Variants in KHDC1 observed in about 807,000 individuals in gnomAD.
The protein encoded by KHDC1 is KH domain containing 1.
Under a neutral mutation model 24.7 loss-of-function variants are expected in KHDC1, and 21 were observed. The ratio of observed to expected loss-of-function variants is 0.85; its 90% CI spans 0.60 to 1.23. The LOEUF (loss-of-function observed/expected upper bound fraction) is 1.23. Among genes scored for constraint, KHDC1 ranks in the 50% most tolerant of loss-of-function variants. KHDC1 has a pLI of 0.00. For synonymous variants in KHDC1, 98 were observed against 111.7 expected (o/e 0.88, Z 0.77); for missense variants, 274 against 298.5 (o/e 0.92, Z 0.61).
At chr6:73,306,889 G>T (rs1767976155) in intron 1 of KHDC1, among the ~76,000 whole-genome samples, 1 of 151,986 alleles carries the variant, frequency 6.6e-6, no homozygotes, top group African/African-American at 2.4e-5. Context: ...CACGCCTGTA[G>T]TCCCAGCTAC....
At chr6:73,276,772 C>T (rs529189664) in intron 2 of KHDC1, among the ~76,000 whole-genome samples, 5 of 152,302 alleles carry the variant, frequency 3.3e-5, no homozygotes, top group Admixed American at 6.5e-5. Flanking sequence ...TTTTTTGCAC[C>T]TGTAGCTAAA....
At chr6:73,253,354 C>A (rs1766817011) in intron 2 of KHDC1, among the ~76,000 whole-genome samples, 1 of 150,686 alleles carries the variant, frequency 6.6e-6, no homozygotes, top group African/African-American at 2.4e-5. Flanking sequence ...AGGAGATCAA[C>A]CATCCCGGCT....
chr6:73,241,759 C>T, intron 4 of KHDC1, 31 bp from the exon 4 acceptor site: 1 of 1,612,200 alleles, frequency 6.2e-7, no homozygotes, highest in Non-Finnish European at 8.5e-7. Context: ...GCTAATGAAC[C>T]AGGGCCCATA....
intron 2 of KHDC1, among the ~76,000 whole-genome samples, chr6:73,242,947 G>A (rs1766601612): frequency 6.6e-6 from 1 of 152,104 alleles, no homozygotes; most frequent in African/African-American, 2.4e-5. Flanking sequence ...CAACAAGACG[G>A]GGTTTGTTTG....
intron 2 of KHDC1, among the ~76,000 whole-genome samples, chr6:73,277,863 C>CAA (rs35501040): frequency 0.19 from 24,542 of 131,454 alleles, 2,149 homozygotes; most frequent in East Asian, 0.22. Context: ...GATCGTGTCT[C>CAA]AAAAAAAAAA....
intron 1 of KHDC1, among the ~76,000 whole-genome samples, chr6:73,306,986 G>A (rs903505973): frequency 2.0e-5 from 3 of 150,356 alleles, no homozygotes; most frequent in Non-Finnish European, 4.4e-5. Context: ...TCCAGCCTGG[G>A]TGACAGACCA....
intron 1 of KHDC1, among the ~76,000 whole-genome samples, chr6:73,307,181 A>T (rs1340028977): frequency 6.6e-6 from 1 of 152,144 alleles, no homozygotes; most frequent in Non-Finnish European, 1.5e-5. Context: ...CTGTAATCCC[A>T]GCACCCAGGA....
At chr6:73,252,860 G>A (rs1192088716) in intron 2 of KHDC1, among the ~76,000 whole-genome samples, 1 of 151,648 alleles carries the variant, frequency 6.6e-6, no homozygotes, top group Non-Finnish European at 1.5e-5. Context: ...CAGTGCAAAA[G>A]GGGTCAGAGG....
intron 2 of KHDC1, among the ~76,000 whole-genome samples, chr6:73,252,292 C>T (rs1056356301): frequency 4.6e-5 from 7 of 152,028 alleles, no homozygotes; most frequent in South Asian, 4.2e-4. Flanking sequence ...AATCTGCCCT[C>T]GTCGACCTCC....
intron 1 of KHDC1, among the ~76,000 whole-genome samples, chr6:73,296,191 A>C (rs1203156478): frequency 6.6e-6 from 1 of 151,624 alleles, no homozygotes; most frequent in Non-Finnish European, 1.5e-5. Context: ...GCGGTGGCTC[A>C]TGTCTATAAT....
intron 2 of KHDC1, among the ~76,000 whole-genome samples, chr6:73,243,876 G>A (rs1024741356): frequency 1.3e-5 from 2 of 152,168 alleles, no homozygotes; most frequent in African/African-American, 4.8e-5. Context: ...ATTTAAGCTA[G>A]GTTGCTGGAC....
chr6:73,253,969 A>C (rs1256653341), intron 2 of KHDC1, among the ~76,000 whole-genome samples: 1 of 152,118 alleles, frequency 6.6e-6, no homozygotes, highest in African/African-American at 2.4e-5. Context: ...AAATATATGT[A>C]AAATAATAAA....
In KHDC1 at chr6:73,308,719, TTCTGGGCTCAAGCGA is replaced by T. The variant is rs1272070050; in HGVS notation, c.163+818_163+832del. 5.9e-5 allele frequency among the ~76,000 whole-genome samples: 9 copies of T among 152,244 alleles called. No homozygotes were observed. In the East Asian group the frequency reaches 1.7e-3, roughly 29 times the overall value. On this transcript the variant is annotated intron_variant, in intron 1 of 4. Coordinates refer to ENST00000370384, the Ensembl canonical transcript of KHDC1. The stretch of plus-strand genomic sequence containing the variant: ...TTCACCATATTGCCCAGGCTGTGAC[TTCTGGGCTCAAGCGA>T]TCCTCCCACCTCGGCCTCCCAAAGT...
chr6:73,274,732 C>T (rs1767248250), intron 2 of KHDC1: 1 of 152,200 alleles, frequency 6.6e-6, no homozygotes, highest in African/African-American at 2.4e-5. Flanking sequence ...TTGTAAGGTA[C>T]CCAGTCTCGT....
rs930875514 is a variant in KHDC1, at chr6:73,254,568, C to T, written c.207-12038G>A. On this transcript the variant is annotated intron_variant, in intron 2 of 4. Transcript: ENST00000370384. ...AAAGTGTTTCTGCTCTAAAATGCAA[C>T]CATCCACAAGATATATTGAGTTAAA... is the stretch of plus-strand genomic sequence containing the variant. 2.0e-5 allele frequency among the ~76,000 whole-genome samples: 3 copies of T among 151,860 alleles called. No homozygotes were observed. The East Asian group carries it at 5.8e-4, about 29-fold the overall frequency.
exon 5 of KHDC1, chr6:73,241,606 A>G (rs1462664535): frequency 6.2e-7 from 1 of 1,614,208 alleles, no homozygotes; most frequent in Non-Finnish European, 8.5e-7. Context: ...ACGCTAAGAC[A>G]CACGGTTCCA....
intron 2 of KHDC1, among the ~76,000 whole-genome samples, chr6:73,277,047 A>G (rs1767311725): frequency 6.6e-6 from 1 of 152,202 alleles, no homozygotes; most frequent in African/African-American, 2.4e-5. Flanking sequence ...ACTTTTGTAA[A>G]TAAGGAAGAA....
intron 2 of KHDC1, among the ~76,000 whole-genome samples, chr6:73,258,606 T>C (rs999414467): frequency 1.3e-5 from 2 of 152,160 alleles, no homozygotes; most frequent in African/African-American, 4.8e-5. Flanking sequence ...AAGGATGCAT[T>C]TGACCATTCC....
Position 73,262,943 on chromosome 6 carries a change from G to T in KHDC1, c.207-20413C>A. On this transcript the variant is annotated intron_variant, in intron 2 of 4. Transcript: ENST00000370384. ...CCTTCACCGGACTAACCGAGTTCGA[G>T]ACCACAGGGGGGTCAGGTAGCCAAG... is the stretch of plus-strand genomic sequence containing the variant. 4 of 989,426 alleles carry T rather than the reference G, an allele frequency of 4.0e-6. No homozygotes were observed. In the South Asian group the frequency reaches 1.8e-4, roughly 44 times the overall value. The allele number at this position is 989,426 out of a possible 1,614,324, so 61.3% of individuals were successfully genotyped here. A position where few individuals can be genotyped will look rare whatever the true frequency, so the allele number is the denominator to read the frequency against.
Sources: gnomAD v4.1 joint callset for allele counts (sites outside exome capture counted in the v4.1 genomes callset) on GRCh38, gnomAD v4.1.1 for gene constraint, MANE v1.5 for transcripts, NCBI Gene and HGNC (gene_info 2026-07-23, HGNC 2026-07-21) for gene names.